The following RANBP2 variants were observed in gnomAD, a reference collection of about 807,000 sequenced individuals.
RANBP2 encodes the protein RAN binding protein 2.
Under a neutral mutation model 303.6 loss-of-function variants are expected in RANBP2, and 57 were observed. That is an observed-to-expected ratio of 0.19 (90% CI 0.15 to 0.23). RANBP2 has a LOEUF of 0.23. Ranked by LOEUF, RANBP2 falls within the 10% of genes least tolerant of loss-of-function variation. The pLI is 1.00. For synonymous variants in RANBP2, 1,167 were observed against 1,301.5 expected, an observed-to-expected ratio of 0.90 and a Z score of 2.23; for missense variants, 3,138 against 3,780.8, an observed-to-expected ratio of 0.83 and a Z score of 4.46.
chr2:109,352,924 T>G, the RANBP2 span, among the ~76,000 whole-genome samples: 2 of 152,274 alleles, frequency 1.3e-5, no homozygotes, highest in African/African-American at 2.4e-5. Flanking sequence ...GGGCTGTATC[T>G]GAAGCTTTGC....
At chr2:109,507,374 G>A in the RANBP2 span, among the ~76,000 whole-genome samples, 1 of 152,190 alleles carries the variant, frequency 6.6e-6, no homozygotes, top group South Asian at 2.1e-4. Flanking sequence ...CACCCTTCCA[G>A]GGGGTTCCCT....
the RANBP2 span, among the ~76,000 whole-genome samples, chr2:109,658,030 A>G: frequency 6.6e-6 from 1 of 151,420 alleles, no homozygotes; most frequent in East Asian, 2.0e-4. Flanking sequence ...TGAGTTTGTT[A>G]TTATAATAGT....
chr2:108,935,441 G>A, the RANBP2 span, among the ~76,000 whole-genome samples: 1 of 152,188 alleles, frequency 6.6e-6, no homozygotes, highest in Non-Finnish European at 1.5e-5. Flanking sequence ...AGATCTGCAG[G>A]TGGTCTGTGT....
chr2:109,115,145 T>G, the RANBP2 span, among the ~76,000 whole-genome samples: 2 of 152,226 alleles, frequency 1.3e-5, no homozygotes, highest in Non-Finnish European at 2.9e-5. Context: ...GTCTATTAGG[T>G]CCGCTTGGTG....
the RANBP2 span, among the ~76,000 whole-genome samples, chr2:109,222,836 TCAGC>T: frequency 1.3e-5 from 2 of 152,270 alleles, no homozygotes; most frequent in African/African-American, 4.8e-5. Flanking sequence ...TTTCCAGTTC[TCAGC>T]CAGCAGCGCA....
At chr2:109,050,446 G>GT in the RANBP2 span, among the ~76,000 whole-genome samples, 2 of 151,294 alleles carry the variant, frequency 1.3e-5, no homozygotes, top group Non-Finnish European at 2.9e-5. Context: ...AGAGATGGGG[G>GT]GTCTCATGAG....
At chr2:109,124,841 A>C in the RANBP2 span, among the ~76,000 whole-genome samples, 3 of 152,174 alleles carry the variant, frequency 2.0e-5, no homozygotes, top group Non-Finnish European at 2.9e-5. Context: ...CACACGGTGC[A>C]ATGCCTGGCG....
At chr2:109,211,130 G>A in the RANBP2 span, among the ~76,000 whole-genome samples, 8 of 152,168 alleles carry the variant, frequency 5.3e-5, no homozygotes, top group African/African-American at 7.2e-5. Flanking sequence ...TGGAGAAAAC[G>A]TTACTTGCAG....
chr2:109,167,765 A>T, the RANBP2 span, among the ~76,000 whole-genome samples: 1 of 151,988 alleles, frequency 6.6e-6, no homozygotes, highest in Admixed American at 6.6e-5. Flanking sequence ...TAGAGGTGGG[A>T]TTGCGCCATG....
At chr2:109,509,799 T>A in the RANBP2 span, among the ~76,000 whole-genome samples, 1 of 152,052 alleles carries the variant, frequency 6.6e-6, no homozygotes, top group Non-Finnish European at 1.5e-5. Context: ...GCTGAGGCAC[T>A]GGGGGCTAGG....
At chr2:109,614,060 C>G in the RANBP2 span, 1 of 1,212,260 alleles carries the variant, frequency 8.2e-7, no homozygotes, top group Admixed American at 4.3e-5. Flanking sequence ...CCAAGCGAGC[C>G]CCTCACAGGA....
At chr2:109,396,297 C>G in the RANBP2 span, among the ~76,000 whole-genome samples, 1 of 152,306 alleles carries the variant, frequency 6.6e-6, no homozygotes, top group African/African-American at 2.4e-5. Flanking sequence ...ACAGCTGAGC[C>G]TGGTTGGAGG....
the RANBP2 span, among the ~76,000 whole-genome samples, chr2:109,016,891 A>G: frequency 7.2e-4 from 109 of 152,370 alleles, no homozygotes; most frequent in Middle Eastern, 3.4e-3. Context: ...GGAGGGACGC[A>G]GGAGGGGAAA....
the RANBP2 span, among the ~76,000 whole-genome samples, chr2:109,336,646 T>C: frequency 6.6e-6 from 1 of 152,270 alleles, no homozygotes; most frequent in Admixed American, 6.5e-5. Flanking sequence ...CATTTGTTTG[T>C]TTCTCTGCAG....
the RANBP2 span, among the ~76,000 whole-genome samples, chr2:108,977,670 C>G: frequency 6.6e-6 from 1 of 152,070 alleles, no homozygotes; most frequent in African/African-American, 2.4e-5. Flanking sequence ...GGACCCGGCT[C>G]TCACTAGGAG....
At chr2:109,309,339 C>T in the RANBP2 span, among the ~76,000 whole-genome samples, 1 of 150,520 alleles carries the variant, frequency 6.6e-6, no homozygotes, top group South Asian at 2.1e-4. Flanking sequence ...GACAAAAGAG[C>T]TCCTGAAGGA....
the RANBP2 span, among the ~76,000 whole-genome samples, chr2:108,865,514 C>CT: frequency 2.0e-5 from 3 of 152,210 alleles, no homozygotes; most frequent in South Asian, 2.1e-4. Context: ...AATTACCTCT[C>CT]TAAGTCTTCA....
At chr2:108,740,171 A>G (rs973327266) in intron 6 of RANBP2, among the ~76,000 whole-genome samples, 1 of 152,212 alleles carries the variant, frequency 6.6e-6, no homozygotes, top group Non-Finnish European at 1.5e-5. Flanking sequence ...AGAAACTACA[A>G]AATAGTCTCC....
the RANBP2 span, chr2:109,129,607 G>T: frequency 1.4e-6 from 2 of 1,481,370 alleles, no homozygotes; most frequent in East Asian, 2.8e-5. Context: ...GAGCGAGGGC[G>T]ACGAGGACAG....
Sources: gnomAD v4.1 joint callset for allele counts (sites outside exome capture counted in the v4.1 genomes callset) on GRCh38, gnomAD v4.1.1 for gene constraint, MANE v1.5 for transcripts, NCBI Gene and HGNC (gene_info 2026-07-23, HGNC 2026-07-21) for gene names.